KIAA1217: variants seen among roughly 807,000 people sequenced by gnomAD.
KIAA1217 encodes sickle tail protein homolog.
A neutral mutation model predicts 163.9 loss-of-function variants in KIAA1217; 88 were observed. The observed-to-expected ratio is 0.54, with a 90% CI of 0.45 to 0.64. KIAA1217 has a LOEUF of 0.64. Ranked by LOEUF, KIAA1217 falls within the 30% of genes least tolerant of loss-of-function variation. KIAA1217 has a pLI of 0.00. For synonymous variants in KIAA1217, 903 were observed against 923.1 expected (o/e 0.98, Z 0.39); for missense variants, 2,372 against 2,475.0 (o/e 0.96, Z 0.88).
intron 5 of KIAA1217, among the ~76,000 whole-genome samples, chr10:24,442,557 T>G (rs1366880653): frequency 6.6e-6 from 1 of 152,182 alleles, no homozygotes; most frequent in Admixed American, 6.5e-5. Context: ...CAATGCATTC[T>G]GTTGAAGAAA....
At chr10:24,202,976 G>A (rs1357733637) in intron 2 of KIAA1217, among the ~76,000 whole-genome samples, 2 of 152,124 alleles carry the variant, frequency 1.3e-5, no homozygotes, top group Non-Finnish European at 2.9e-5. Context: ...GATTGTTTGA[G>A]CCCAGGAGTT....
chr10:23,786,774 A>G (rs1165121809), intron 1 of KIAA1217, among the ~76,000 whole-genome samples: 2 of 152,186 alleles, frequency 1.3e-5, no homozygotes, highest in Non-Finnish European at 2.9e-5. Flanking sequence ...CAGAGAGCAC[A>G]CAGGAATGAT....
At chr10:24,203,454 A>C (rs894197362) in intron 2 of KIAA1217, among the ~76,000 whole-genome samples, 4 of 152,238 alleles carry the variant, frequency 2.6e-5, no homozygotes, top group African/African-American at 9.6e-5. Flanking sequence ...TTTGTTCAGC[A>C]GCAAAGTTGG....
intron 2 of KIAA1217, among the ~76,000 whole-genome samples, chr10:24,055,753 T>C (rs1339666392): frequency 6.6e-6 from 1 of 152,108 alleles, no homozygotes; most frequent in Non-Finnish European, 1.5e-5. Context: ...TAGAGATTTG[T>C]GAAGAAGCAT....
intron 2 of KIAA1217, among the ~76,000 whole-genome samples, chr10:24,114,530 T>C (rs553146714): frequency 1.3e-5 from 2 of 152,276 alleles, no homozygotes; most frequent in South Asian, 2.1e-4. Context: ...CATGTGTGTA[T>C]CTTCTCTGCA....
At position 23,829,718 on chromosome 10, in the gene KIAA1217, T is replaced by G. The variant is rs146872389; in HGVS notation, c.-321+134484T>G. On this transcript the variant is annotated intron_variant, in intron 1 of 18. Coordinates refer to the KIAA1217 transcript ENST00000376462. ...ATTATTTAAACAATCCTCTACTGAC[T>G]GCCTTCTGTGTACTCAGTATTACAT... is the stretch of plus-strand genomic sequence containing the variant. Among the ~76,000 whole-genome samples, 1,047 of 152,344 alleles carry G rather than the reference T, an allele frequency of 6.9e-3. 7 individuals are homozygous for G. The highest frequency in any genetic ancestry group is 0.023 in the African/African-American group (968 of 41,582).
intron 3 of KIAA1217, among the ~76,000 whole-genome samples, chr10:24,422,103 G>C (rs2058779507): frequency 6.6e-6 from 1 of 152,102 alleles, no homozygotes; most frequent in South Asian, 2.1e-4. Flanking sequence ...GCTTGTGTAG[G>C]GGAACTCCCT....
intron 2 of KIAA1217, among the ~76,000 whole-genome samples, chr10:24,237,908 G>A (rs1167207483): frequency 6.6e-6 from 1 of 152,168 alleles, no homozygotes; most frequent in East Asian, 1.9e-4. Context: ...AGTGAACTAC[G>A]GCAATGCAAC....
chr10:23,879,485 A>G (rs943907342), intron 1 of KIAA1217, among the ~76,000 whole-genome samples: 3 of 151,958 alleles, frequency 2.0e-5, no homozygotes, highest in Non-Finnish European at 4.4e-5. Flanking sequence ...AGAAGGGGTG[A>G]TTAAATATAT....
At chr10:23,826,597 G>GGTGC (rs1837910877) in intron 1 of KIAA1217, among the ~76,000 whole-genome samples, 1 of 152,132 alleles carries the variant, frequency 6.6e-6, no homozygotes, top group Non-Finnish European at 1.5e-5. Flanking sequence ...TCTTGTCCAT[G>GGTGC]GTGCTGACCT....
intron 14 of KIAA1217, among the ~76,000 whole-genome samples, chr10:24,528,483 C>G (rs2072579958): frequency 1.3e-5 from 2 of 151,842 alleles, no homozygotes; most frequent in Admixed American, 1.3e-4. Flanking sequence ...TACACCACTG[C>G]ACATGTCTAA....
chr10:24,076,452 A>G lies in KIAA1217; in HGVS notation c.-171+69078A>G, dbSNP rs1439772803. Among the ~76,000 whole-genome samples the G allele has an allele frequency of 1.3e-5, 2 of 152,190 alleles. 1 individual carries two copies. Among genetic ancestry groups the G allele is most frequent in the African/African-American group, 4.8e-5 (2 of 41,458 alleles). On this transcript the variant is annotated intron_variant, in intron 2 of 18. Transcript: ENST00000376462. ...CTGTGCCACTCTCTGGAGCATAGCT[A>G]TCTAATCCTTTTGTTTCTGGCATGT...
chr10:24,233,023 G>A (rs1468105381), intron 2 of KIAA1217, among the ~76,000 whole-genome samples: 6 of 151,678 alleles, frequency 4.0e-5, no homozygotes, highest in Non-Finnish European at 7.4e-5. Flanking sequence ...TACTTAGGAG[G>A]CTGAGATGGG....
chr10:23,862,853 C>T (rs1488587744), intron 1 of KIAA1217, among the ~76,000 whole-genome samples: 1 of 152,016 alleles, frequency 6.6e-6, no homozygotes, highest in African/African-American at 2.4e-5. Flanking sequence ...TTCTTCTTGC[C>T]TTGATGCTAC....
At chr10:24,058,621 C>T (rs1427357719) in intron 2 of KIAA1217, among the ~76,000 whole-genome samples, 1 of 151,930 alleles carries the variant, frequency 6.6e-6, no homozygotes, top group African/African-American at 2.4e-5. Flanking sequence ...TAAGTTTATT[C>T]TTAAGTATTT....
At chr10:24,005,580 AATCTGG>A (rs1846957092) in intron 1 of KIAA1217, among the ~76,000 whole-genome samples, 1 of 152,212 alleles carries the variant, frequency 6.6e-6, no homozygotes, top group Non-Finnish European at 1.5e-5. Context: ...AATAATTTTA[AATCTGG>A]AAACTCACTT....
Position 23,893,838 on chromosome 10 carries a change from C to T in KIAA1217, c.-320-113387C>T, listed in dbSNP as rs939898255. Among the ~76,000 whole-genome samples, 189 of 152,042 alleles carry T rather than the reference C, an allele frequency of 1.2e-3. 1 individual carries two copies. The highest frequency in any genetic ancestry group is 5.6e-3 in the Admixed American group (85 of 15,248). ...TGGGATGCAAGGCTGGTTCAATATACGCAAATCAATAAATGTAATCCAGCA... is the reference window on the plus strand; with the variant it reads ...TGGGATGCAAGGCTGGTTCAATATATGCAAATCAATAAATGTAATCCAGCA... On this transcript the variant is annotated intron_variant, in intron 1 of 18. Transcript: ENST00000376462.
intron 4 of KIAA1217, among the ~76,000 whole-genome samples, chr10:24,433,815 C>A (rs552382427): frequency 3.9e-4 from 60 of 152,162 alleles, no homozygotes; most frequent in Non-Finnish European, 7.5e-4. Context: ...TATTATTTTC[C>A]ATAAGAAAAG....
chr10:24,284,727 A>G (rs1031854826), intron 2 of KIAA1217, among the ~76,000 whole-genome samples: 1 of 152,172 alleles, frequency 6.6e-6, no homozygotes, highest in African/African-American at 2.4e-5. Flanking sequence ...TTTTGGTAGA[A>G]TGATTTATTT....
Sources: allele counts gnomAD v4.1 joint callset (sites outside exome capture counted in the v4.1 genomes callset), GRCh38; gene constraint gnomAD v4.1.1; transcripts MANE v1.5; gene names NCBI Gene and HGNC (gene_info 2026-07-23, HGNC 2026-07-21).